Variants in ZBTB46 observed in about 807,000 individuals in gnomAD.
ZBTB46 encodes the protein zinc finger and BTB domain-containing protein 46.
In ZBTB46, 8 loss-of-function variants were observed where a neutral mutation model predicts 44.1. The observed-to-expected ratio is 0.18, with a 90% CI of 0.11 to 0.33. The LOEUF (loss-of-function observed/expected upper bound fraction) is 0.33. Ranked by LOEUF, ZBTB46 falls within the 10% of genes least tolerant of loss-of-function variation. The pLI, the probability that ZBTB46 is intolerant of heterozygous loss-of-function variation, is 1.00. For missense variants in ZBTB46, 651 were observed against 847.7 expected (o/e 0.77, Z 2.88); for synonymous variants, 409 against 382.3 (o/e 1.07, Z -0.81).
chr20:63,819,150 G>A (rs529446404), intron 1 of ZBTB46, among the ~76,000 whole-genome samples: 47 of 152,330 alleles, frequency 3.1e-4, no homozygotes, highest in African/African-American at 5.5e-4. Flanking sequence ...TCCAGCCTGG[G>A]CGACAGAGTG....
chr20:63,794,668 T>C (rs2092586917), intron 1 of ZBTB46, among the ~76,000 whole-genome samples: 1 of 152,196 alleles, frequency 6.6e-6, no homozygotes, highest in Non-Finnish European at 1.5e-5. Context: ...CCCACTGTGG[T>C]AGAAGAGCAG....
chr20:63,823,489 C>A (rs1264195776), intron 1 of ZBTB46, among the ~76,000 whole-genome samples: 1 of 139,692 alleles, frequency 7.2e-6, no homozygotes, highest in Non-Finnish European at 1.5e-5. Flanking sequence ...CAGAGTGAGA[C>A]CCTGTCTCAA....
At chr20:63,757,792 G>A (rs1003211353) in intron 3 of ZBTB46, among the ~76,000 whole-genome samples, 8 of 151,922 alleles carry the variant, frequency 5.3e-5, no homozygotes, top group African/African-American at 1.9e-4. Context: ...CCTTTCACAG[G>A]TGAACCAACC....
At chr20:63,780,847 G>C (rs1351055818) in intron 2 of ZBTB46, among the ~76,000 whole-genome samples, 1 of 150,522 alleles carries the variant, frequency 6.6e-6, no homozygotes. Flanking sequence ...ATGAAAAAAG[G>C]AGGCCATGCA....
chr20:63,777,001 T>C (rs1297038045), intron 2 of ZBTB46, among the ~76,000 whole-genome samples: 1 of 147,662 alleles, frequency 6.8e-6, no homozygotes, highest in African/African-American at 2.5e-5. Context: ...CACCACACAA[T>C]ACGGTTCCAG....
chr20:63,762,115 C>A (rs2092282514), intron 3 of ZBTB46, among the ~76,000 whole-genome samples: 3 of 152,286 alleles, frequency 2.0e-5, no homozygotes, highest in Admixed American at 1.3e-4. Context: ...AAGACTCAAA[C>A]CAAACATTAG....
At chr20:63,827,752 T>C (rs2092827717) in intron 1 of ZBTB46, among the ~76,000 whole-genome samples, 1 of 152,336 alleles carries the variant, frequency 6.6e-6, no homozygotes, top group South Asian at 2.1e-4. Flanking sequence ...TTTAGAAGCA[T>C]TTAATAATTT....
intron 3 of ZBTB46, among the ~76,000 whole-genome samples, chr20:63,769,909 G>A (rs142827216): frequency 2.6e-4 from 40 of 152,306 alleles, no homozygotes; most frequent in East Asian, 7.7e-4. Context: ...CCTGACGCCC[G>A]GGCCCAGCCG....
chr20:63,831,748 C>T (rs1212266553), upstream of ZBTB46, among the ~76,000 whole-genome samples: 1 of 151,088 alleles, frequency 6.6e-6, no homozygotes, highest in African/African-American at 2.4e-5. Flanking sequence ...GCGCAGGTTC[C>T]TCGGGGGCGC....
upstream of ZBTB46, among the ~76,000 whole-genome samples, chr20:63,833,319 C>T (rs2092860817): frequency 6.6e-6 from 1 of 152,226 alleles, no homozygotes; most frequent in African/African-American, 2.4e-5. Flanking sequence ...GGGCCGGGCG[C>T]GGTGTCTCAC....
At position 63,745,911 on chromosome 20, in the gene ZBTB46, C is replaced by T. The variant is rs571371307; in HGVS notation, c.*1019G>A. 28 of 152,718 alleles carry T rather than the reference C, an allele frequency of 1.8e-4. No individual in the cohort carries two copies. The highest frequency in any genetic ancestry group is 4.3e-4 in the African/African-American group (18 of 41,584). 9.5% of individuals were successfully genotyped at this position (152,718 alleles called of 1,614,324 possible). A position where few individuals can be genotyped will look rare whatever the true frequency, so the allele number is the denominator to read the frequency against. ...GAAAAACAACCCTATATAGTTTCTT[C>T]GAGTGAGAAAAATAATGCCAAACAA... On this transcript the variant is annotated 3_prime_UTR_variant, in exon 5 of 5. Transcript: ENST00000245663.
At chr20:63,807,452 C>G (rs2092688847) in intron 1 of ZBTB46, among the ~76,000 whole-genome samples, 1 of 152,206 alleles carries the variant, frequency 6.6e-6, no homozygotes, top group African/African-American at 2.4e-5. Context: ...TCGAGTGATT[C>G]TCCCACCTCA....
intron 1 of ZBTB46, among the ~76,000 whole-genome samples, chr20:63,793,308 AGTGGTTCTTG>A (rs199891885): frequency 0.029 from 4,418 of 152,214 alleles, 93 homozygotes; most frequent in Non-Finnish European, 0.047. Context: ...GAGGCCGCCC[AGTGGTTCTTG>A]ACCGGAGAGC....
At chr20:63,749,928 C>T (rs558066215) in intron 4 of ZBTB46, among the ~76,000 whole-genome samples, 5 of 152,358 alleles carry the variant, frequency 3.3e-5, no homozygotes, top group Non-Finnish European at 5.9e-5. Flanking sequence ...AGAAGGAAGA[C>T]GGGACACCTT....
chr20:63,813,703 G>T (rs569387136), intron 1 of ZBTB46, among the ~76,000 whole-genome samples: 2 of 152,274 alleles, frequency 1.3e-5, no homozygotes, highest in East Asian at 3.9e-4. Flanking sequence ...GCATGAAACA[G>T]AGAGAAGAAA....
At chr20:63,813,353 G>A (rs1416384046) in intron 1 of ZBTB46, among the ~76,000 whole-genome samples, 2 of 151,762 alleles carry the variant, frequency 1.3e-5, no homozygotes, top group African/African-American at 4.8e-5. Flanking sequence ...GGAGGCTGAG[G>A]CAGGAGAATC....
intron 2 of ZBTB46, among the ~76,000 whole-genome samples, chr20:63,776,249 G>A (rs2092425043): frequency 6.6e-6 from 1 of 152,252 alleles, no homozygotes; most frequent in African/African-American, 2.4e-5. Flanking sequence ...TGGACGAGGC[G>A]CTGCAGACCT....
intron 3 of ZBTB46, among the ~76,000 whole-genome samples, chr20:63,774,104 G>A (rs2092400676): frequency 2.5e-5 from 3 of 119,762 alleles, no homozygotes; most frequent in Non-Finnish European, 4.7e-5. Flanking sequence ...GAGGCCTCAG[G>A]ATGTCTGTGA....
chr20:63,830,116 GA>G (rs2092840279), intron 1 of ZBTB46, among the ~76,000 whole-genome samples: 1 of 152,226 alleles, frequency 6.6e-6, no homozygotes, highest in African/African-American at 2.4e-5. Context: ...TTCGCTGTCA[GA>G]AAATATCCGT....
Sources: allele counts gnomAD v4.1 joint callset (sites outside exome capture counted in the v4.1 genomes callset), GRCh38; gene constraint gnomAD v4.1.1; transcripts MANE v1.5; gene names NCBI Gene and HGNC (gene_info 2026-07-23, HGNC 2026-07-21).